DACH1: variants seen among roughly 807,000 people sequenced by gnomAD.
DACH1 encodes the protein dachshund homolog 1.
In DACH1, 12 loss-of-function variants were observed where a neutral mutation model predicts 54.2. That is an observed-to-expected ratio of 0.22 (90% CI 0.14 to 0.36). The LOEUF (loss-of-function observed/expected upper bound fraction) is 0.36. Ranked by LOEUF, DACH1 falls within the 10% of genes least tolerant of loss-of-function variation. The pLI, the probability that DACH1 is intolerant of heterozygous loss-of-function variation, is 1.00. For synonymous variants in DACH1, 386 were observed against 366.2 expected (o/e 1.05, Z -0.62); for missense variants, 805 against 929.8 (o/e 0.87, Z 1.75).
chr13:71,658,880 T>C (rs117173077), intron 2 of DACH1, among the ~76,000 whole-genome samples: 401 of 147,060 alleles, frequency 2.7e-3, no homozygotes, highest in Non-Finnish European at 4.7e-3. Context: ...ATTGCACACA[T>C]TTTGATTTTT....
chr13:71,815,101 C>T (rs1887858555), intron 1 of DACH1, among the ~76,000 whole-genome samples: 1 of 152,150 alleles, frequency 6.6e-6, no homozygotes, highest in Non-Finnish European at 1.5e-5. Flanking sequence ...TTAATGACTA[C>T]AAATTAACTG....
At position 71,864,311 on chromosome 13, in the gene DACH1, G is replaced by C. The variant is rs75651153; in HGVS notation, c.848+1611C>G. 5.4e-3 allele frequency among the ~76,000 whole-genome samples: 824 copies of C among 152,190 alleles called. 4 individuals carry two copies. Among genetic ancestry groups the C allele is most frequent in the African/African-American group, 0.019 (797 of 41,538 alleles). On this transcript the variant is annotated intron_variant, in intron 1 of 10. Transcript: ENST00000613252. ...AAACACGGAAAAGAATTTCTGGCTA[G>C]GTCAGGATAGGACATTTGCTGGACT...
intron 3 of DACH1, among the ~76,000 whole-genome samples, chr13:71,611,520 C>A (rs1875326562): frequency 6.6e-6 from 1 of 152,146 alleles, no homozygotes; most frequent in Non-Finnish European, 1.5e-5. Context: ...TCTGTTCTGG[C>A]AAACAGGTGG....
At chr13:71,635,794 C>A (rs2138583092) in intron 2 of DACH1, among the ~76,000 whole-genome samples, 1 of 151,900 alleles carries the variant, frequency 6.6e-6, no homozygotes, top group African/African-American at 2.4e-5. Context: ...CTTTTCTTTT[C>A]TTTTTTGAGA....
At chr13:71,678,719 C>G (rs1880717871) in intron 2 of DACH1, among the ~76,000 whole-genome samples, 2 of 151,642 alleles carry the variant, frequency 1.3e-5, no homozygotes, top group Non-Finnish European at 2.9e-5. Context: ...TGCAGTGGTA[C>G]AATCATAGCT....
intron 1 of DACH1, among the ~76,000 whole-genome samples, chr13:71,854,428 C>T (rs958908853): frequency 2.0e-5 from 3 of 151,992 alleles, no homozygotes; most frequent in Non-Finnish European, 2.9e-5. Flanking sequence ...CAATTCTGTG[C>T]AGTAATAAGG....
intron 4 of DACH1, among the ~76,000 whole-genome samples, chr13:71,567,407 C>T (rs564278629): frequency 2.0e-4 from 31 of 151,494 alleles, no homozygotes; most frequent in Non-Finnish European, 4.1e-4. Flanking sequence ...AATAAAGCTG[C>T]GTATAAAATT....
At chr13:71,657,079 C>T (rs777154603) in intron 2 of DACH1, among the ~76,000 whole-genome samples, 6 of 150,256 alleles carry the variant, frequency 4.0e-5, no homozygotes, top group Non-Finnish European at 7.4e-5. Context: ...ACAACTGTCT[C>T]CACTGCTTCT....
intron 1 of DACH1, among the ~76,000 whole-genome samples, chr13:71,686,096 A>G (rs2138711583): frequency 6.6e-6 from 1 of 152,260 alleles, no homozygotes; most frequent in East Asian, 1.9e-4. Flanking sequence ...AGCAAGCTGA[A>G]CTCTCCTAGC....
At chr13:71,580,954 GTCT>G (rs746741759) in intron 3 of DACH1, among the ~76,000 whole-genome samples, 20,748 of 151,708 alleles carry the variant, frequency 0.14, 1,562 homozygotes, top group Non-Finnish European at 0.16. Flanking sequence ...CTGATTAGGG[GTCT>G]TCATTTTTTT....
intron 6 of DACH1, among the ~76,000 whole-genome samples, chr13:71,509,322 A>G (rs955465999): frequency 1.4e-4 from 22 of 152,154 alleles, no homozygotes; most frequent in Middle Eastern, 3.2e-3. Flanking sequence ...CTTTCATGAA[A>G]CAGATCAGAA....
At chr13:71,860,066 T>C (rs1385944947) in intron 1 of DACH1, among the ~76,000 whole-genome samples, 1 of 151,822 alleles carries the variant, frequency 6.6e-6, no homozygotes, top group Non-Finnish European at 1.5e-5. Context: ...AATTTAATTA[T>C]TGAACATAAC....
chr13:71,548,986 T>C (rs1467136574), intron 6 of DACH1, among the ~76,000 whole-genome samples: 2 of 151,874 alleles, frequency 1.3e-5, no homozygotes, highest in Non-Finnish European at 2.9e-5. Flanking sequence ...CAAATAGACA[T>C]AGTAAAAAAT....
Position 71,779,255 on chromosome 13 carries a change from G to A in DACH1, c.848+86667C>T, listed in dbSNP as rs540527910. ...TATATACACATATATACGTATATAC[G>A]TATATATGTGTATATATACGTATAT... On this transcript the variant is annotated intron_variant, in intron 1 of 10. Coordinates refer to ENST00000613252, the MANE Select transcript of DACH1 (RefSeq NM_080759.6). 7.5e-4 allele frequency among the ~76,000 whole-genome samples: 45 copies of A among 60,066 alleles called. 2 individuals carry two copies. Among genetic ancestry groups the A allele is most frequent in the Non-Finnish European group, 1.4e-3 (41 of 30,060 alleles). 39.4% of individuals were successfully genotyped at this position (60,066 alleles called of 152,430 possible).
At chr13:71,769,534 A>G (rs902591103) in intron 1 of DACH1, among the ~76,000 whole-genome samples, 1 of 151,698 alleles carries the variant, frequency 6.6e-6, no homozygotes, top group African/African-American at 2.4e-5. Flanking sequence ...GTTGAGTATC[A>G]TGTGCACTTT....
At chr13:71,703,232 A>C (rs572081518) in intron 1 of DACH1, among the ~76,000 whole-genome samples, 8 of 152,190 alleles carry the variant, frequency 5.3e-5, no homozygotes, top group Non-Finnish European at 8.8e-5. Flanking sequence ...AGGCAGAATG[A>C]GAATAACACT....
intron 4 of DACH1, among the ~76,000 whole-genome samples, chr13:71,572,058 G>A (rs776816947): frequency 5.3e-5 from 8 of 152,016 alleles, no homozygotes; most frequent in Non-Finnish European, 1.0e-4. Flanking sequence ...TGGGATAATT[G>A]TAATGTCAAA....
intron 1 of DACH1, among the ~76,000 whole-genome samples, chr13:71,864,006 C>T (rs539098229): frequency 3.3e-5 from 5 of 151,830 alleles, no homozygotes; most frequent in Non-Finnish European, 7.4e-5. Flanking sequence ...GAACAATTTT[C>T]CTGTCCTGAT....
rs796904876 is a variant in DACH1, at chr13:71,748,898, CTCTTTCTTTCTTTCTTTCTTTCTT to C, written c.849-67012_849-66989del. Among the ~76,000 whole-genome samples the C allele has an allele frequency of 1.6e-3, 62 of 39,600 alleles. 2 individuals are homozygous for C. The highest frequency in any genetic ancestry group is 4.5e-3 in the African/African-American group (58 of 12,862). 26.0% of individuals were successfully genotyped at this position (39,600 alleles called of 152,430 possible). Reference sequence around the variant, plus strand: ...TCTTTCTTTCTTTCTTTCTTTCTTTCTCTTTCTTTCTTTCTTTCTTTCTTTCTTTCTTTCTTTCTTTCTTTCTTT... The same window carrying C: ...TCTTTCTTTCTTTCTTTCTTTCTTTCTCTTTCTTTCTTTCTTTCTTTCTTT... On this transcript the variant is annotated intron_variant, in intron 1 of 10. Transcript: ENST00000613252.
Sources: allele counts gnomAD v4.1 joint callset (sites outside exome capture counted in the v4.1 genomes callset), GRCh38; gene constraint gnomAD v4.1.1; transcripts MANE v1.5; gene names NCBI Gene and HGNC (gene_info 2026-07-23, HGNC 2026-07-21).